Variants in ACTN1 observed in about 807,000 individuals in gnomAD.
ACTN1 encodes actinin alpha 1, also known as alpha-actinin-1.
ACTN1 carries 30 observed loss-of-function variants against 119.6 expected under a neutral mutation model. The ratio of observed to expected loss-of-function variants is 0.25; its 90% confidence interval spans 0.19 to 0.34. The LOEUF (loss-of-function observed/expected upper bound fraction) is 0.34, where lower values mean the gene tolerates loss of function less well. Ranked by LOEUF, ACTN1 falls within the 10% of genes least tolerant of loss-of-function variation. The pLI is 1.00. For synonymous variants in ACTN1, 429 were observed against 472.6 expected, an observed-to-expected ratio of 0.91 and a Z score of 1.20; for missense variants, 764 against 1,223.4, an observed-to-expected ratio of 0.62 and a Z score of 5.60.
chr14:68,936,999 A>C, intron 1 of ACTN1: 1 of 328,928 alleles, frequency 3.0e-6, no homozygotes, highest in Non-Finnish European at 5.9e-6. Context: ...GTCTTTTGAG[A>C]GTTTTCTCCC....
chr14:68,918,986 T>C (rs2034493082), intron 3 of ACTN1, among the ~76,000 whole-genome samples: 1 of 152,216 alleles, frequency 6.6e-6, no homozygotes, highest in South Asian at 2.1e-4. Flanking sequence ...GAGCCCATCA[T>C]GAGTGTAGCA....
chr14:68,875,000 G>A lies in ACTN1; in HGVS notation c.2604C>T (p.Asp868=), dbSNP rs1287164979. 3.7e-6 allele frequency: 6 copies of A among 1,613,518 alleles called. No homozygotes were observed. Among genetic ancestry groups the A allele is most frequent in the Non-Finnish European group, 4.2e-6 (5 of 1,180,008 alleles). ...LAGDKNYITM[D]ELRRELPPDQ... is the part of the protein sequence containing the mutation. ...CGGGTGGCAGCTCGCGGCGCAGCTC[G>A]TCCATGGTAATGTAGTTCTGCGAGG... The change falls in exon 22 of 22, where the codon GAC becomes GAT. Residue 868 remains aspartate (D), a synonymous_variant. Coordinates refer to ENST00000394419, the MANE Select transcript of ACTN1 (RefSeq NM_001130004.2).
At chr14:68,876,405 C>T (rs1284225028) in intron 21 of ACTN1, among the ~76,000 whole-genome samples, 1 of 152,014 alleles carries the variant, frequency 6.6e-6, no homozygotes, top group South Asian at 2.1e-4. Flanking sequence ...TCTGGCTGCT[C>T]TGTGAGTCTT....
Position 68,878,172 on chromosome 14 carries a change from C to T in ACTN1, c.2427+286G>A. ...TGTCCCACACCACCAGTCCTTCCTG[C>T]CAGCCTCAGGGTCAGCCCAGCTGTC... On this transcript the variant is annotated intron_variant, in intron 20 of 21. Coordinates refer to ENST00000394419, the MANE Select transcript of ACTN1 (RefSeq NM_001130004.2). The surrounding 1 kb of genome is among the most constrained non-coding windows in gnomAD (Gnocchi z 4.4). The T allele has an allele frequency of 2.9e-6, 1 of 348,804 alleles. No homozygotes were observed. The allele number at this position is 348,804 out of a possible 1,614,324, so 21.6% of individuals were successfully genotyped here.
chr14:68,917,967 G>A (rs2034404378), intron 3 of ACTN1, among the ~76,000 whole-genome samples: 1 of 152,212 alleles, frequency 6.6e-6, no homozygotes, highest in Admixed American at 6.5e-5. Flanking sequence ...TTGGAAGGCT[G>A]AAGCAGATTA....
chr14:68,930,375 C>T (rs967771961), intron 1 of ACTN1, among the ~76,000 whole-genome samples: 1 of 152,160 alleles, frequency 6.6e-6, no homozygotes, highest in African/African-American at 2.4e-5. Context: ...GTGGTAGTTC[C>T]TACCGTCATC....
chr14:68,883,123 T>C, intron 14 of ACTN1, 68 bp from the exon 15 acceptor site: 2 of 1,527,332 alleles, frequency 1.3e-6, no homozygotes, highest in East Asian at 2.3e-5. Context: ...GGAAGGGCCA[T>C]GGAGGTTGAG....
At position 68,950,477 on chromosome 14, in the gene ACTN1, T is replaced by TATATATATAC. The variant is rs1349794768; in HGVS notation, c.106-24806_106-24805insGTATATATAT. Among the ~76,000 whole-genome samples the TATATATATAC allele has an allele frequency of 4.8e-5, 7 of 144,796 alleles. 1 individual carries two copies. The highest frequency in any genetic ancestry group is 1.7e-4 in the African/African-American group (6 of 34,900). 95.0% of individuals were successfully genotyped at this position (144,796 alleles called of 152,430 possible). On this transcript the variant is annotated intron_variant, in intron 1 of 21. Coordinates refer to ENST00000394419, the MANE Select transcript of ACTN1 (RefSeq NM_001130004.2). ...ATGCGTGTGTGTATATATATATATA[T>TATATATATAC]AAATCAAACATATAAAATCTGTGGT...
At chr14:68,958,360 C>G (rs1326659901) in intron 1 of ACTN1, among the ~76,000 whole-genome samples, 1 of 152,132 alleles carries the variant, frequency 6.6e-6, no homozygotes, top group Admixed American at 6.5e-5. Context: ...CCCTGCCTGA[C>G]AAGAGACGAG....
intron 2 of ACTN1, among the ~76,000 whole-genome samples, chr14:68,924,983 T>C (rs1415102488): frequency 6.6e-6 from 1 of 152,150 alleles, no homozygotes; most frequent in African/African-American, 2.4e-5. Flanking sequence ...GGGAGAGGGC[T>C]GGGCTGGGAT....
At chr14:68,936,138 A>T (rs1248196478) in intron 1 of ACTN1, among the ~76,000 whole-genome samples, 1 of 152,176 alleles carries the variant, frequency 6.6e-6, no homozygotes, top group Non-Finnish European at 1.5e-5. Context: ...GAGAAGACAC[A>T]ACCAAACAGC....
At chr14:68,975,426 G>A (rs2037027963) in intron 1 of ACTN1, among the ~76,000 whole-genome samples, 1 of 152,200 alleles carries the variant, frequency 6.6e-6, no homozygotes, top group African/African-American at 2.4e-5. Flanking sequence ...AGCAAGGTAG[G>A]TATTAGCTCT....
chr14:68,952,363 C>A (rs56038222), intron 1 of ACTN1, among the ~76,000 whole-genome samples: 1 of 152,200 alleles, frequency 6.6e-6, no homozygotes, highest in African/African-American at 2.4e-5. Flanking sequence ...AGGCGGCCAA[C>A]GGCAGGGAGT....
chr14:68,887,438 C>A, intron 11 of ACTN1: 1 of 865,352 alleles, frequency 1.2e-6, no homozygotes, highest in Non-Finnish European at 1.6e-6. Flanking sequence ...AAATGCAGGA[C>A]TGACTCCATA....
chr14:68,962,344 G>A (rs2036566727), intron 1 of ACTN1, among the ~76,000 whole-genome samples: 1 of 152,100 alleles, frequency 6.6e-6, no homozygotes, highest in South Asian at 2.1e-4. Context: ...TTCCCTTCCA[G>A]GGCATCCTTG....
chr14:68,935,132 C>T (rs965926273), intron 1 of ACTN1, among the ~76,000 whole-genome samples: 2 of 152,038 alleles, frequency 1.3e-5, no homozygotes, highest in African/African-American at 4.8e-5. Flanking sequence ...AAGCTATTCT[C>T]CTGCCTTACC....
chr14:68,883,095 G>A, intron 14 of ACTN1, 40 bp from the exon 15 acceptor site: 1 of 1,603,570 alleles, frequency 6.2e-7, no homozygotes, highest in Non-Finnish European at 8.5e-7. Context: ...AGGAACAAAG[G>A]GAGCGCTAGA....
Position 68,943,216 on chromosome 14 carries a change from G to A in ACTN1, c.106-17544C>T, listed in dbSNP as rs531411130. ...GCCAGCCCGGTTTGAGGGACAGGGC[G>A]GCAAGGTATCAGCAAGCAGGGAGCA... On this transcript the variant is annotated intron_variant, in intron 1 of 21. Transcript: ENST00000394419. Among the ~76,000 whole-genome samples the A allele has an allele frequency of 5.3e-5, 8 of 152,212 alleles. No homozygotes were observed. The South Asian group carries it at 1.2e-3, about 24-fold the overall frequency.
chr14:68,899,250 TCA>T (rs1180587936), intron 8 of ACTN1, among the ~76,000 whole-genome samples: 4 of 73,470 alleles, frequency 5.4e-5, no homozygotes, highest in African/African-American at 2.2e-4. Flanking sequence ...GCACTCCCCT[TCA>T]CACACACACC....
Sources: allele counts gnomAD v4.1 joint callset (sites outside exome capture counted in the v4.1 genomes callset), GRCh38; gene constraint gnomAD v4.1.1; non-coding constraint Gnocchi (gnomAD v3.1); transcripts MANE v1.5; gene names NCBI Gene and HGNC (gene_info 2026-07-23, HGNC 2026-07-21).